COL26A1: variants seen among roughly 807,000 people sequenced by gnomAD.
The protein encoded by COL26A1 is collagen type XXVI alpha 1 chain.
A neutral mutation model predicts 59.3 loss-of-function variants in COL26A1; 41 were observed. That is an observed-to-expected ratio of 0.69 (90% CI 0.54 to 0.90). The LOEUF is 0.90. Ranked by LOEUF, COL26A1 falls within the 40% of genes least tolerant of loss-of-function variation. The probability of loss-of-function intolerance (pLI) is 0.00; values close to 1 mark genes in which losing one functional copy is unlikely to be tolerated. For synonymous variants in COL26A1, 266 were observed against 256.0 expected (o/e 1.04, Z -0.37); for missense variants, 612 against 602.3 (o/e 1.02, Z -0.17).
rs758409237 is a variant in COL26A1, at chr7:101,555,885, A to C, written c.1165+14A>C. On this transcript the variant is annotated intron_variant, in intron 12 of 12. Coordinates refer to ENST00000313669, the MANE Select transcript of COL26A1 (RefSeq NM_001278563.3). The stretch of plus-strand genomic sequence containing the variant: ...TTGGGATCCACGGTGAGCAGTGACC[A>C]GGATCAGCGGGCTGGGAATCTCTCT... 6.3e-7 allele frequency: 1 copy of C among 1,593,052 alleles called. No individual in the cohort carries two copies. Among genetic ancestry groups the C allele is most frequent in the Non-Finnish European group, 8.6e-7 (1 of 1,168,772 alleles).
intron 1 of COL26A1, among the ~76,000 whole-genome samples, chr7:101,416,286 G>C (rs1371694078): frequency 1.4e-5 from 2 of 142,574 alleles, no homozygotes; most frequent in Non-Finnish European, 3.2e-5. Flanking sequence ...CAGCTATCTG[G>C]GAGGCTGAGA....
At chr7:101,410,672 G>A (rs1302936644) in intron 1 of COL26A1, among the ~76,000 whole-genome samples, 2 of 145,856 alleles carry the variant, frequency 1.4e-5, no homozygotes, top group Non-Finnish European at 3.0e-5. Flanking sequence ...GCACCACCAC[G>A]CCCGGCTAAT....
At chr7:101,383,214 C>A (rs563668427) in intron 1 of COL26A1, among the ~76,000 whole-genome samples, 1 of 152,118 alleles carries the variant, frequency 6.6e-6, no homozygotes, top group Admixed American at 6.6e-5. Context: ...TTATGTTTGG[C>A]AGGTAGGAAA....
At chr7:101,459,747 C>CT (rs1004834122) in intron 3 of COL26A1, among the ~76,000 whole-genome samples, 2 of 152,028 alleles carry the variant, frequency 1.3e-5, no homozygotes, top group African/African-American at 4.8e-5. Context: ...GATTTTTACT[C>CT]TTTTTTTCTG....
At chr7:101,524,945 G>A (rs1190820353) in intron 3 of COL26A1, among the ~76,000 whole-genome samples, 1 of 152,148 alleles carries the variant, frequency 6.6e-6, no homozygotes, top group East Asian at 1.9e-4. Flanking sequence ...GACTCTGCCA[G>A]CCAAGTCAAC....
intron 3 of COL26A1, among the ~76,000 whole-genome samples, chr7:101,448,956 G>A (rs530386492): frequency 2.0e-5 from 3 of 152,192 alleles, no homozygotes; most frequent in Non-Finnish European, 2.9e-5. Context: ...AAAGAATAAC[G>A]CAATTGACAG....
rs752901470 is a variant in COL26A1 at position 101,504,644 on chromosome 7, CT to C, written c.386-28436del. ...CTCTGCCTCCGCCATCTCATTGGTC[CT>C]TCTCCAGGGCACCCAGAGGCTGGCA... On this transcript the variant is annotated intron_variant, in intron 3 of 12. Coordinates refer to ENST00000313669, the MANE Select transcript of COL26A1 (RefSeq NM_001278563.3). Among the ~76,000 whole-genome samples the C allele has an allele frequency of 1.3e-3, 202 of 152,332 alleles. 1 individual carries two copies. The highest frequency in any genetic ancestry group is 2.9e-3 in the Admixed American group (44 of 15,292).
intron 1 of COL26A1, among the ~76,000 whole-genome samples, chr7:101,419,086 C>G (rs1562970016): frequency 9.2e-6 from 1 of 108,986 alleles, no homozygotes; most frequent in Non-Finnish European, 2.0e-5. Flanking sequence ...CTCCCCTCCC[C>G]TCCCCTCCCC....
intron 1 of COL26A1, among the ~76,000 whole-genome samples, chr7:101,369,162 T>A (rs1371574907): frequency 1.3e-5 from 2 of 152,088 alleles, no homozygotes; most frequent in African/African-American, 4.8e-5. Flanking sequence ...ATCCCAGCAC[T>A]TTGGGAGGCC....
At chr7:101,377,998 C>T (rs992786127) in intron 1 of COL26A1, among the ~76,000 whole-genome samples, 4 of 152,116 alleles carry the variant, frequency 2.6e-5, no homozygotes, top group African/African-American at 4.8e-5. Flanking sequence ...CTCCACCTCT[C>T]GGACTCAGGT....
At chr7:101,406,298 T>G (rs1361803146) in intron 1 of COL26A1, among the ~76,000 whole-genome samples, 3 of 152,116 alleles carry the variant, frequency 2.0e-5, no homozygotes, top group Non-Finnish European at 2.9e-5. Context: ...ATCCAAACAC[T>G]CCTACTGTTT....
intron 2 of COL26A1, among the ~76,000 whole-genome samples, chr7:101,444,477 G>A (rs1584412646): frequency 2.0e-5 from 3 of 147,000 alleles, no homozygotes; most frequent in South Asian, 2.1e-4. Context: ...GTGCAGTGGC[G>A]TGATCTCCAC....
At chr7:101,362,454 C>T (rs10228118), upstream of COL26A1, among the ~76,000 whole-genome samples, 88,372 of 151,988 alleles carry the variant, frequency 0.58, 27,338 homozygotes, top group African/African-American at 0.8. Context: ...GGGAACGCAG[C>T]GCTTTGATCC....
intron 3 of COL26A1, among the ~76,000 whole-genome samples, chr7:101,485,526 G>A (rs577257996): frequency 2.0e-5 from 3 of 152,264 alleles, no homozygotes; most frequent in Non-Finnish European, 2.9e-5. Flanking sequence ...CCTCATAGTC[G>A]CTTCCTTCTC....
At chr7:101,550,721 C>G (rs377758941) in intron 9 of COL26A1, among the ~76,000 whole-genome samples, 12 of 152,210 alleles carry the variant, frequency 7.9e-5, no homozygotes, top group African/African-American at 2.9e-4. Context: ...CAGGGGACAG[C>G]TGGACACGGG....
chr7:101,397,858 A>G (rs899899238), intron 1 of COL26A1, among the ~76,000 whole-genome samples: 1 of 152,098 alleles, frequency 6.6e-6, no homozygotes, highest in Non-Finnish European at 1.5e-5. Context: ...AATCTCAACT[A>G]TACAGCTTGA....
At chr7:101,421,133 G>A (rs995787761) in intron 2 of COL26A1, among the ~76,000 whole-genome samples, 5 of 152,148 alleles carry the variant, frequency 3.3e-5, no homozygotes, top group Non-Finnish European at 7.3e-5. Context: ...GAGTGGGAGA[G>A]AGATTGAAAT....
At chr7:101,386,563 G>A (rs1023595131) in intron 1 of COL26A1, among the ~76,000 whole-genome samples, 4 of 151,966 alleles carry the variant, frequency 2.6e-5, no homozygotes, top group African/African-American at 9.7e-5. Context: ...TGGGGGTCAG[G>A]AGCCCTGTCC....
chr7:101,386,219 C>G (rs909583740), intron 1 of COL26A1, among the ~76,000 whole-genome samples: 4 of 148,314 alleles, frequency 2.7e-5, no homozygotes, highest in African/African-American at 1.0e-4. Context: ...TGCCGAGTGT[C>G]TGCCCTGAGC....
Sources: gnomAD v4.1 joint callset for allele counts (sites outside exome capture counted in the v4.1 genomes callset) on GRCh38, gnomAD v4.1.1 for gene constraint, MANE v1.5 for transcripts, NCBI Gene and HGNC (gene_info 2026-07-23, HGNC 2026-07-21) for gene names.